Variants in APBA3 observed in about 807,000 individuals in gnomAD.
The protein encoded by APBA3 is amyloid-beta A4 precursor protein-binding family A member 3.
In APBA3, 45 loss-of-function variants were observed where a neutral mutation model predicts 55.9. The ratio of observed to expected loss-of-function variants is 0.80; its 90% CI spans 0.63 to 1.03. The LOEUF (loss-of-function observed/expected upper bound fraction) is 1.03, where lower values mean the gene tolerates loss of function less well. Ranked by LOEUF, APBA3 falls within the 50% of genes least tolerant of loss-of-function variation. The pLI, the probability that APBA3 is intolerant of heterozygous loss-of-function variation, is 0.00. For synonymous variants in APBA3, 370 were observed against 353.3 expected (o/e 1.05, Z -0.53); for missense variants, 865 against 820.3 (o/e 1.05, Z -0.67).
At chr19:3,752,467 T>C in intron 8 of APBA3, 41 bp downstream of exon 8, 1 of 1,514,692 alleles carries the variant, frequency 6.6e-7, no homozygotes. Context: ...TCAGCTCCCC[T>C]TCCTGGGAGT....
chr19:3,753,847 C>T lies in APBA3; in HGVS notation c.929G>A (p.Arg310Gln), dbSNP rs754517986. 4.5e-5 allele frequency: 70 copies of T among 1,568,666 alleles called. No homozygotes were observed. Among genetic ancestry groups the T allele is most frequent in the African/African-American group, 3.9e-4 (29 of 74,192 alleles). The change falls in exon 6 of 11, where the codon CGG (arginine) becomes CAG (glutamine). Residue 310 changes from arginine (R) to glutamine (Q), a missense_variant. Physicochemically the swap from Arg to Gln is conservative, Grantham distance 43. Transcript: ENST00000316757. ...GGGTGCCGGCCTCCGTGCCAGCCGC[C>T]GCCGCGCCATCAGCACCAGCACGCA... ...IGCVLVLMAR[R>Q]RLARRPAPQD... is the part of the protein sequence containing the mutation.
At position 3,750,880 on chromosome 19, in the gene APBA3, C is replaced by T; in HGVS notation, c.*146G>A. ...CCGTAGACCCTGATCCGAGACTTTG[C>T]CAAATGCATAAGCTTTTACTGTTTT... On this transcript the variant is annotated 3_prime_UTR_variant, in exon 11 of 11. Transcript: ENST00000316757. 1 of 1,118,424 alleles carries T rather than the reference C, an allele frequency of 8.9e-7. No homozygotes were observed. The allele number at this position is 1,118,424 out of a possible 1,614,324, so 69.3% of individuals were successfully genotyped here.
intron 3 of APBA3, among the ~76,000 whole-genome samples, chr19:3,757,995 C>T (rs949895631): frequency 6.6e-6 from 1 of 152,074 alleles, no homozygotes; most frequent in Non-Finnish European, 1.5e-5. Context: ...AGTGCAATGG[C>T]GTGATCTCAG....
In APBA3 at chr19:3,760,304, G is replaced by T. The variant is rs758287125; in HGVS notation, c.-37-3C>A. The T allele has an allele frequency of 6.5e-7, 1 of 1,530,616 alleles. No individual in the cohort carries two copies. Among genetic ancestry groups the T allele is most frequent in the Admixed American group, 2.2e-5 (1 of 45,522 alleles). The allele number at this position is 1,530,616 out of a possible 1,614,324, so 94.8% of individuals were successfully genotyped here. On this transcript the variant is annotated splice_region_variant and splice_polypyrimidine_tract_variant and intron_variant, in intron 1 of 10. Transcript: ENST00000316757. ...CTTAGGCCGGCATCTTCAGGCAGCT[G>T]AAAGAGAGAGAGTCAGCACTGAGGT...
chr19:3,753,450 T>C, intron 6 of APBA3: 1 of 372,754 alleles, frequency 2.7e-6, no homozygotes, highest in Non-Finnish European at 4.9e-6. Flanking sequence ...TGAGACCGTG[T>C]TCACCTGGGC....
intron 1 of APBA3, 99 bp from the exon 2 acceptor site, chr19:3,760,400 C>T: frequency 1.3e-6 from 1 of 742,288 alleles, no homozygotes; most frequent in Non-Finnish European, 2.1e-6. Flanking sequence ...TGACTGAACC[C>T]AGGAGTTCAA....
Position 3,753,808 on chromosome 19 carries a change from C to T in APBA3, c.968G>A (p.Arg323His), listed in dbSNP as rs372188071. 48 of 1,571,338 alleles carry T rather than the reference C, an allele frequency of 3.1e-5. No homozygotes were observed. In the African/African-American group the frequency reaches 5.4e-4, roughly 18 times the overall value. ...GTGGCAGAGCATCTTGTAGAGGCGG[C>T]GGCCGTGGTCCTGGGGTGCCGGCCT... Reference protein sequence around the residue: ...ARRPAPQDHGRRLYKMLCHVF... With the variant: ...ARRPAPQDHGHRLYKMLCHVF... The change falls in exon 6 of 11, where the codon CGC (arginine) becomes CAC (histidine). Residue 323 changes from arginine (R) to histidine (H), a missense_variant. Transcript: ENST00000316757.
intron 1 of APBA3, 136 bp from the exon 2 acceptor site, chr19:3,760,437 CCTCT>C: frequency 1.7e-6 from 1 of 591,504 alleles, no homozygotes; most frequent in Non-Finnish European, 2.9e-6. Context: ...AGAGCAAGAC[CCTCT>C]CTCTACAAAA....
Position 3,759,939 on chromosome 19 carries a change from C to T in APBA3, c.326G>A (p.Arg109Gln), listed in dbSNP as rs904110491. 12 of 1,609,722 alleles carry T rather than the reference C, an allele frequency of 7.5e-6. No homozygotes were observed. Among genetic ancestry groups the T allele is most frequent in the African/African-American group, 2.7e-5 (2 of 74,780 alleles). The change falls in exon 2 of 11, where the codon CGG (arginine) becomes CAG (glutamine). Residue 109 changes from arginine to glutamine, a missense_variant. Transcript: ENST00000316757. ...AHGLLSAEAG[R>Q]DDLLGLLHCE... ...GTGCAAGAGGCCCAGCAGGTCATCCCGGCCAGCTTCGGCAGACAGGAGCCC... is the reference window on the plus strand; with the variant it reads ...GTGCAAGAGGCCCAGCAGGTCATCCTGGCCAGCTTCGGCAGACAGGAGCCC...
intron 8 of APBA3, 86 bp from the exon 9 acceptor site, chr19:3,751,639 A>C: frequency 3.2e-4 from 460 of 1,438,370 alleles, no homozygotes; most frequent in Non-Finnish European, 3.9e-4. Flanking sequence ...TTACCCTCTC[A>C]TAAACCAGAG....
intron 6 of APBA3, 22 bp downstream of exon 6, chr19:3,753,743 G>A: frequency 6.7e-7 from 1 of 1,486,690 alleles, no homozygotes. Context: ...CAGGAGGGTG[G>A]CCCCGCGCCC....
At chr19:3,754,395 G>A (rs967019433) in intron 3 of APBA3, 55 bp from the exon 4 acceptor site, 2 of 1,520,566 alleles carry the variant, frequency 1.3e-6, no homozygotes, top group Non-Finnish European at 1.8e-6. Context: ...CACAGGCTCT[G>A]CCCCAGGGCT....
In APBA3 at chr19:3,752,558, C is replaced by A; in HGVS notation, c.1345G>T (p.Gly449Trp). ...SIGDRLTAIN[G>W]TSLVGLPLAA... The stretch of plus-strand genomic sequence containing the variant: ...AGGGGCAGCCCCACCAGGCTGGTCC[C>A]GTTGATGGCGGTCAGGCGGTCCCCG... The change falls in exon 8 of 11, where the codon GGG becomes TGG. Residue 449 changes from glycine to tryptophan, a missense_variant. Gly to Trp is a radical substitution (Grantham distance 184, BLOSUM62 -2). Coordinates refer to ENST00000316757, the MANE Select transcript of APBA3 (RefSeq NM_004886.4). 3.1e-6 allele frequency: 5 copies of A among 1,589,408 alleles called. No individual in the cohort carries two copies. The highest frequency in any genetic ancestry group is 4.3e-6 in the Non-Finnish European group (5 of 1,172,792).
At chr19:3,753,259 A>G (rs892541781) in intron 6 of APBA3, 1 of 517,978 alleles carries the variant, frequency 1.9e-6, no homozygotes, top group Non-Finnish European at 3.4e-6. Flanking sequence ...AAAAGCTATC[A>G]AAGACCCAGC....
intron 4 of APBA3, 42 bp downstream of exon 4, chr19:3,754,153 C>T (rs1000134597): frequency 2.6e-6 from 4 of 1,551,152 alleles, no homozygotes; most frequent in Non-Finnish European, 3.5e-6. Context: ...ACCCAGCCTG[C>T]AGCCCACCCG....
Position 3,751,486 on chromosome 19 carries a change from A to C in APBA3, c.1463T>G (p.Ile488Ser). 1 of 1,575,394 alleles carries C rather than the reference A, an allele frequency of 6.3e-7. No individual in the cohort carries two copies. Among genetic ancestry groups the C allele is most frequent in the Non-Finnish European group, 8.6e-7 (1 of 1,164,472 alleles). ...CTGCTCGCGGGCGTGGGGCCGGTGG[A>C]TGATGGCGGTGGTGACGGGAGGGCA... ...VHCPPVTTAI[I>S]HRPHAREQLG... Residue 488 changes from isoleucine (I) to serine (S), a missense_variant, in exon 9 of 11, where the codon ATC becomes AGC. By Grantham distance (142) the Ile-to-Ser change is moderately radical (BLOSUM62 -2). Coordinates refer to ENST00000316757, the MANE Select transcript of APBA3 (RefSeq NM_004886.4).
chr19:3,751,468 C>A lies in APBA3; in HGVS notation c.1481G>T (p.Arg494Leu). Residue 494 changes from arginine (R) to leucine (L), a missense_variant, in exon 9 of 11, where the codon CGC becomes CTC. Physicochemically the swap from Arg to Leu is moderately radical, Grantham distance 102 (BLOSUM62 -2). Transcript: ENST00000316757. ...TTAIIHRPHA[R>L]EQLGFCVEDG... ...CTCCACGCAGAAGCCCAGCTGCTCG[C>A]GGGCGTGGGGCCGGTGGATGATGGC... is the stretch of plus-strand genomic sequence containing the variant. 6.4e-7 allele frequency: 1 copy of A among 1,558,396 alleles called. No individual in the cohort carries two copies. The highest frequency in any genetic ancestry group is 8.6e-7 in the Non-Finnish European group (1 of 1,156,186).
Position 3,751,095 on chromosome 19 carries a change from C to A in APBA3, c.1659G>T (p.Val553=). The stretch of plus-strand genomic sequence containing the variant: ...TGGCAGCTGGCATCGTCTTGATATG[C>A]ACCTGGGGAGTGGAGGCGGAACGGG... ...IELLTEAYGE[V]HIKTMPAATY... Residue 553 remains valine (V), a splice_region_variant and synonymous_variant, in exon 11 of 11, where the codon GTG becomes GTT. Coordinates refer to ENST00000316757, the MANE Select transcript of APBA3 (RefSeq NM_004886.4). The A allele has an allele frequency of 6.4e-7, 1 of 1,567,532 alleles. No homozygotes were observed.
rs1243896316 is a variant in APBA3 at position 3,754,105 on chromosome 19, C to T, written c.763G>A (p.Ala255Thr). 1 of 1,601,178 alleles carries T rather than the reference C, an allele frequency of 6.2e-7. No homozygotes were observed. The highest frequency in any genetic ancestry group is 2.3e-5 in the East Asian group (1 of 44,324). The change falls in exon 5 of 11, where the codon GCC becomes ACC. Residue 255 changes from alanine (A) to threonine (T), a missense_variant and splice_region_variant. Physicochemically the swap from Ala to Thr is moderately conservative, Grantham distance 58 (BLOSUM62 0). Transcript: ENST00000316757. ...QAREAMDRVK[A>T]PDGETQPMTE... The stretch of plus-strand genomic sequence containing the variant: ...ATGGGCTGGGTCTCCCCATCGGGGG[C>T]CTGTGGGTGGCGGCGTGGGAGGTGG...
Sources: allele counts gnomAD v4.1 joint callset (sites outside exome capture counted in the v4.1 genomes callset), GRCh38; gene constraint gnomAD v4.1.1; transcripts MANE v1.5; gene names NCBI Gene and HGNC (gene_info 2026-07-23, HGNC 2026-07-21).